The following NFIX variants were observed in gnomAD, a reference collection of about 807,000 sequenced individuals.
NFIX encodes the protein nuclear factor I X.
In NFIX, 2 loss-of-function variants were observed where a neutral mutation model predicts 53.3. That is an observed-to-expected ratio of 0.04 (90% CI 0.02 to 0.12). The LOEUF (loss-of-function observed/expected upper bound fraction) is 0.12, where lower values mean the gene tolerates loss of function less well. Ranked by LOEUF, NFIX falls within the 10% of genes least tolerant of loss-of-function variation. The pLI is 1.00. For synonymous variants in NFIX, 244 were observed against 289.0 expected, an observed-to-expected ratio of 0.84 and a Z score of 1.58; for missense variants, 310 against 674.5, an observed-to-expected ratio of 0.46 and a Z score of 5.99.
chr19:13,049,704 C>T lies in NFIX; in HGVS notation c.560-23343C>T, dbSNP rs556611303. On this transcript the variant is annotated intron_variant, in intron 2 of 10. Coordinates refer to ENST00000592199, the MANE Select transcript of NFIX (RefSeq NM_001365902.3). The surrounding 1 kb of genome is among the most constrained non-coding windows in gnomAD (Gnocchi z 4.5). ...TGCCTCCTGGGTTCAAGCGATTCTT[C>T]TGCCTCGGCCTCCTAAGTAGCTGGG... 6.6e-5 allele frequency among the ~76,000 whole-genome samples: 10 copies of T among 151,664 alleles called. No individual in the cohort carries two copies. In the South Asian group the frequency reaches 2.1e-3, roughly 31 times the overall value.
intron 1 of NFIX, among the ~76,000 whole-genome samples, chr19:13,016,406 T>C (rs2012667068): frequency 1.3e-5 from 2 of 152,120 alleles, no homozygotes; most frequent in African/African-American, 4.8e-5. Context: ...AGGTAGGATT[T>C]TAACATCTCA....
Position 13,027,634 on chromosome 19 carries a change from T to C in NFIX, c.559+2082T>C, listed in dbSNP as rs2013474038. 6.6e-6 allele frequency among the ~76,000 whole-genome samples: 1 copy of C among 152,176 alleles called. No individual in the cohort carries two copies. Among genetic ancestry groups the C allele is most frequent in the African/African-American group, 2.4e-5 (1 of 41,432 alleles). On this transcript the variant is annotated intron_variant, in intron 2 of 10. Transcript: ENST00000592199. This position sits in a 1 kb window ranked among gnomAD's most constrained non-coding sequence, Gnocchi z 4.3. ...TAGCTGAGTTGTTTCCCTGGCCTCTTTTATTTTAGGCCGAATTCTTGACTG... is the reference window on the plus strand; with the variant it reads ...TAGCTGAGTTGTTTCCCTGGCCTCTCTTATTTTAGGCCGAATTCTTGACTG...
intron 2 of NFIX, among the ~76,000 whole-genome samples, chr19:13,042,064 ATT>A (rs34720058): frequency 2.1e-3 from 291 of 138,460 alleles, no homozygotes; most frequent in Admixed American, 2.6e-3. Flanking sequence ...CACCTGGCTA[ATT>A]TTTTTTTTTT....
intron 1 of NFIX, chr19:13,023,862 C>T (rs2013112001): frequency 1.6e-6 from 1 of 619,332 alleles, no homozygotes; most frequent in Non-Finnish European, 2.8e-6. Context: ...AGAATCCACC[C>T]AAGCCCGGCC....
chr19:13,008,182 C>T (rs556983976), intron 1 of NFIX, among the ~76,000 whole-genome samples: 3 of 152,294 alleles, frequency 2.0e-5, no homozygotes, highest in Admixed American at 1.3e-4. Flanking sequence ...GGCTCCGATC[C>T]TTGGGGTCCT....
At chr19:13,024,526 G>A (rs1019906673) in intron 1 of NFIX, 13 of 1,521,766 alleles carry the variant, frequency 8.5e-6, no homozygotes, top group South Asian at 6.0e-5. Flanking sequence ...GACCGGTGTC[G>A]GGGACCAGAG....
rs531352268 is a variant in NFIX at position 13,074,582 on chromosome 19, T to C, written c.818+556T>C. Among the ~76,000 whole-genome samples, 5 of 151,670 alleles carry C rather than the reference T, an allele frequency of 3.3e-5. No individual in the cohort carries two copies. In the South Asian group the frequency reaches 1.0e-3, roughly 32 times the overall value. Reference sequence around the variant, plus strand: ...GGACTGATAGCCAGTTAGGAGGCCATTGGAAAGGCTAGAGTGGGGGAGGGC... The same window carrying C: ...GGACTGATAGCCAGTTAGGAGGCCACTGGAAAGGCTAGAGTGGGGGAGGGC... On this transcript the variant is annotated intron_variant, in intron 5 of 10. Coordinates refer to ENST00000592199, the MANE Select transcript of NFIX (RefSeq NM_001365902.3).
Position 13,073,208 on chromosome 19 carries a change from C to A in NFIX, c.622+99C>A. The A allele has an allele frequency of 1.7e-6, 2 of 1,201,660 alleles. No individual in the cohort carries two copies. Among genetic ancestry groups the A allele is most frequent in the South Asian group, 1.2e-5 (1 of 81,886 alleles). The allele number at this position is 1,201,660 out of a possible 1,614,324, so 74.4% of individuals were successfully genotyped here. ...CTGGCCACCCTCACTTCTTCCCCTT[C>A]ATTCAGCTGTCCCTTGACTGAGCTT... On this transcript the variant is annotated intron_variant, in intron 3 of 10. Coordinates refer to ENST00000592199, the MANE Select transcript of NFIX (RefSeq NM_001365902.3). The surrounding 1 kb of genome is among the most constrained non-coding windows in gnomAD (Gnocchi z 4.5).
chr19:13,070,944 A>T (rs1385379385), intron 2 of NFIX: 1 of 152,228 alleles, frequency 6.6e-6, no homozygotes, highest in Admixed American at 6.5e-5. Context: ...ATGCGCATCC[A>T]CACGCGTGTG....
chr19:13,023,481 A>C (rs1275661001), intron 1 of NFIX, among the ~76,000 whole-genome samples: 1 of 151,954 alleles, frequency 6.6e-6, no homozygotes, highest in Non-Finnish European at 1.5e-5. Flanking sequence ...GCCGCTGCCA[A>C]AGCCGAAAGC....
chr19:13,057,224 G>A lies in NFIX; in HGVS notation c.560-15823G>A, dbSNP rs200689618. On this transcript the variant is annotated intron_variant, in intron 2 of 10. Transcript: ENST00000592199. Reference sequence around the variant, plus strand: ...GTCAGTGGGACCTTCCCCTCCTCGGGTGGAGCCTCCCCCACCAATGACAAG... The same window carrying A: ...GTCAGTGGGACCTTCCCCTCCTCGGATGGAGCCTCCCCCACCAATGACAAG... 1.8e-4 allele frequency among the ~76,000 whole-genome samples: 28 copies of A among 152,332 alleles called. No individual in the cohort carries two copies. In the East Asian group the frequency reaches 5.4e-3, roughly 29 times the overall value.
At chr19:13,063,577 T>C (rs1443937491) in intron 2 of NFIX, among the ~76,000 whole-genome samples, 1 of 152,206 alleles carries the variant, frequency 6.6e-6, no homozygotes. Flanking sequence ...TGTACTGTAC[T>C]GCTCTGATTC....
Position 13,011,371 on chromosome 19 carries a change from C to A in NFIX, c.28-13650C>A, listed in dbSNP as rs1383793624. ...AGGCCATTTAATGCCCCCCACCACC[C>A]CACCTCGGGAGAAATTTCCACTTGC... On this transcript the variant is annotated intron_variant, in intron 1 of 10. Transcript: ENST00000592199. The surrounding 1 kb of genome is among the most constrained non-coding windows in gnomAD (Gnocchi z 6.5). Among the ~76,000 whole-genome samples the A allele has an allele frequency of 6.6e-6, 1 of 152,246 alleles. No individual in the cohort carries two copies. Among genetic ancestry groups the A allele is most frequent in the East Asian group, 1.9e-4 (1 of 5,190 alleles).
At chr19:13,048,216 T>A (rs2145303100) in intron 2 of NFIX, among the ~76,000 whole-genome samples, 1 of 152,320 alleles carries the variant, frequency 6.6e-6, no homozygotes, top group South Asian at 2.1e-4. Flanking sequence ...GTCTGATTTC[T>A]CCTTGTGAAC....
At position 13,090,184 on chromosome 19, in the gene NFIX, C is replaced by T; in HGVS notation, c.1403-115C>T. ...CCATCCTTCCCACTGCCAGCCTAAACTCGGGCAGCATGGTCTAACTCAGTC... is the reference window on the plus strand; with the variant it reads ...CCATCCTTCCCACTGCCAGCCTAAATTCGGGCAGCATGGTCTAACTCAGTC... On this transcript the variant is annotated intron_variant, in intron 9 of 10. Transcript: ENST00000592199. This position sits in a 1 kb window ranked among gnomAD's most constrained non-coding sequence, Gnocchi z 6.6. 1.0e-6 allele frequency: 1 copy of T among 991,584 alleles called. No individual in the cohort carries two copies. The highest frequency in any genetic ancestry group is 1.8e-5 in the Admixed American group (1 of 55,966). The allele number at this position is 991,584 out of a possible 1,614,324, so 61.4% of individuals were successfully genotyped here. A position where few individuals can be genotyped will look rare whatever the true frequency, so the allele number is the denominator to read the frequency against.
At chr19:13,077,827 A>G (rs1335678877) in intron 6 of NFIX, among the ~76,000 whole-genome samples, 2 of 152,192 alleles carry the variant, frequency 1.3e-5, no homozygotes, top group Admixed American at 1.3e-4. Flanking sequence ...GCCACTGGGC[A>G]GAGATGAATT....
intron 2 of NFIX, among the ~76,000 whole-genome samples, chr19:13,065,126 C>G (rs530955119): frequency 3.9e-5 from 6 of 152,200 alleles, no homozygotes; most frequent in Admixed American, 1.3e-4. Flanking sequence ...CCCCTTCGGC[C>G]CCTCTGTGCT....
intron 1 of NFIX, 92 bp from the exon 2 acceptor site, chr19:13,024,929 G>C: frequency 6.6e-7 from 1 of 1,507,872 alleles, no homozygotes; most frequent in Non-Finnish European, 9.0e-7. Flanking sequence ...CCCTTCTAAC[G>C]CTGCTTTTCT....
rs981524427 is a variant in NFIX, at chr19:13,027,996, G to A, written c.559+2444G>A. On this transcript the variant is annotated intron_variant, in intron 2 of 10. Transcript: ENST00000592199. The surrounding 1 kb of genome is among the most constrained non-coding windows in gnomAD (Gnocchi z 4.3). Reference sequence around the variant, plus strand: ...CTGAAGTGAGTTGAGGCGAGTTGGCGCAGCCCGGGCCACCAGTGGGCTGCA... The same window carrying A: ...CTGAAGTGAGTTGAGGCGAGTTGGCACAGCCCGGGCCACCAGTGGGCTGCA... Among the ~76,000 whole-genome samples the A allele has an allele frequency of 6.6e-6, 1 of 152,248 alleles. No individual in the cohort carries two copies. The highest frequency in any genetic ancestry group is 1.5e-5 in the Non-Finnish European group (1 of 68,052).
Sources: gnomAD v4.1 joint callset for allele counts (sites outside exome capture counted in the v4.1 genomes callset) on GRCh38, gnomAD v4.1.1 for gene constraint, Gnocchi (gnomAD v3.1) non-coding constraint, MANE v1.5 for transcripts, NCBI Gene and HGNC (gene_info 2026-07-23, HGNC 2026-07-21) for gene names.